Variants in SLC8A1 observed in about 807,000 individuals in gnomAD.
SLC8A1 encodes solute carrier family 8 member A1, also known as sodium/calcium exchanger 1.
SLC8A1 carries 18 observed loss-of-function variants against 68.3 expected under a neutral mutation model. The ratio of observed to expected loss-of-function variants is 0.26; its 90% CI spans 0.18 to 0.39. The LOEUF (loss-of-function observed/expected upper bound fraction) is 0.39, where lower values mean the gene tolerates loss of function less well. Among genes scored for constraint, SLC8A1 ranks in the 10% least tolerant of loss-of-function variants. The pLI, the probability that SLC8A1 is intolerant of heterozygous loss-of-function variation, is 1.00. For missense variants in SLC8A1, 985 were observed against 1,156.7 expected, an observed-to-expected ratio of 0.85 and a Z score of 2.15; for synonymous variants, 475 against 415.5, an observed-to-expected ratio of 1.14 and a Z score of -1.74.
At chr2:40,334,562 G>A (rs1226556785) in intron 2 of SLC8A1, among the ~76,000 whole-genome samples, 2 of 152,086 alleles carry the variant, frequency 1.3e-5, no homozygotes, top group East Asian at 1.9e-4. Context: ...CATTATCTGT[G>A]ATTCTACCCT....
rs145335954 is a variant in SLC8A1, at chr2:40,329,479, C to A, written c.1808+98994G>T. ...GTTTGTTAAATGGCTATTGGAAGAT[C>A]TCTTGCTAAACCTGAAAGTATTTAA... On this transcript the variant is annotated intron_variant, in intron 2 of 7. Transcript: ENST00000406785. Among the ~76,000 whole-genome samples, 365 of 152,306 alleles carry A rather than the reference C, an allele frequency of 2.4e-3. 2 individuals carry two copies. Among genetic ancestry groups the A allele is most frequent in the African/African-American group, 8.3e-3 (347 of 41,570 alleles).
upstream of SLC8A1, among the ~76,000 whole-genome samples, chr2:40,454,786 C>T (rs761698773): frequency 6.6e-6 from 1 of 152,142 alleles, no homozygotes; most frequent in Non-Finnish European, 1.5e-5. Context: ...TTTGCTCCCT[C>T]CTAAATGTCA....
At chr2:40,262,774 T>C (rs1375981507) in intron 2 of SLC8A1, among the ~76,000 whole-genome samples, 1 of 152,116 alleles carries the variant, frequency 6.6e-6, no homozygotes, top group Admixed American at 6.5e-5. Context: ...AAATAGCAAT[T>C]CTAGGCCAGC....
chr2:40,261,306 G>A (rs2064667785), intron 2 of SLC8A1, among the ~76,000 whole-genome samples: 1 of 152,162 alleles, frequency 6.6e-6, no homozygotes, highest in Non-Finnish European at 1.5e-5. Flanking sequence ...GCTTGCAGAG[G>A]CAATCATTTT....
chr2:40,357,845 C>A (rs1257563042), intron 2 of SLC8A1, among the ~76,000 whole-genome samples: 1 of 152,058 alleles, frequency 6.6e-6, no homozygotes, highest in Non-Finnish European at 1.5e-5. Context: ...GATGGCTTCT[C>A]TCTCCCCCTT....
chr2:40,304,641 C>G (rs2072220143), intron 2 of SLC8A1, among the ~76,000 whole-genome samples: 1 of 152,142 alleles, frequency 6.6e-6, no homozygotes, highest in African/African-American at 2.4e-5. Flanking sequence ...CATGAACTGC[C>G]TAGAGTCTCG....
intron 7 of SLC8A1, among the ~76,000 whole-genome samples, chr2:40,118,915 C>G (rs1345213642): frequency 6.6e-6 from 1 of 152,042 alleles, no homozygotes; most frequent in African/African-American, 2.4e-5. Context: ...ACTGGACTTC[C>G]TGGGTATCCC....
chr2:40,402,726 C>A (rs1262433744), intron 2 of SLC8A1, among the ~76,000 whole-genome samples: 1 of 152,208 alleles, frequency 6.6e-6, no homozygotes, highest in Non-Finnish European at 1.5e-5. Flanking sequence ...CCACGTCTTT[C>A]TGCAGAGTTT....
At chr2:40,237,469 C>T (rs138523868) in intron 2 of SLC8A1, among the ~76,000 whole-genome samples, 1,900 of 152,230 alleles carry the variant, frequency 0.012, 18 homozygotes, top group Middle Eastern at 0.054. Flanking sequence ...CTACTTTAAG[C>T]ATTTCTCTGT....
intron 2 of SLC8A1, among the ~76,000 whole-genome samples, chr2:40,279,633 G>A (rs576084918): frequency 6.6e-6 from 1 of 152,288 alleles, no homozygotes; most frequent in Admixed American, 6.5e-5. Context: ...GTTTGATAGG[G>A]TCTGGCATAT....
At chr2:40,177,032 C>T (rs888672665) in intron 3 of SLC8A1, among the ~76,000 whole-genome samples, 2 of 107,540 alleles carry the variant, frequency 1.9e-5, no homozygotes, top group Admixed American at 1.0e-4. Flanking sequence ...TTATAAAGGA[C>T]ACTACTTTTA....
chr2:40,284,294 ATATT>A (rs1288111327), intron 2 of SLC8A1, among the ~76,000 whole-genome samples: 4 of 149,156 alleles, frequency 2.7e-5, no homozygotes, highest in African/African-American at 7.3e-5. Flanking sequence ...ATCTCGCTAT[ATATT>A]TAGAGAAATG....
At chr2:40,396,140 C>A (rs1414620393) in intron 2 of SLC8A1, among the ~76,000 whole-genome samples, 1 of 152,092 alleles carries the variant, frequency 6.6e-6, no homozygotes, top group Non-Finnish European at 1.5e-5. Context: ...GTAACAAAAA[C>A]ATTTAATAAA....
intron 2 of SLC8A1, among the ~76,000 whole-genome samples, chr2:40,247,307 G>A (rs1469752249): frequency 1.3e-5 from 2 of 152,216 alleles, no homozygotes; most frequent in Non-Finnish European, 2.9e-5. Context: ...GTCCTGAACA[G>A]CCAGGCTCTA....
At chr2:40,236,673 T>C (rs1446197549) in intron 2 of SLC8A1, among the ~76,000 whole-genome samples, 8 of 152,142 alleles carry the variant, frequency 5.3e-5, no homozygotes, top group African/African-American at 1.9e-4. Context: ...TGCTCGTTAG[T>C]TGATGCAGTT....
intron 2 of SLC8A1, among the ~76,000 whole-genome samples, chr2:40,402,344 C>T (rs1388634754): frequency 1.3e-5 from 2 of 152,136 alleles, no homozygotes; most frequent in Non-Finnish European, 2.9e-5. Context: ...ACCCCTTTGC[C>T]AAAAACTCAG....
At chr2:40,192,524 C>G (rs530548256) in intron 2 of SLC8A1, among the ~76,000 whole-genome samples, 2 of 152,182 alleles carry the variant, frequency 1.3e-5, no homozygotes, top group African/African-American at 4.8e-5. Flanking sequence ...TTAAGTTTAA[C>G]TTACATAGAA....
chr2:40,448,810 A>C (rs1392810980), intron 1 of SLC8A1, among the ~76,000 whole-genome samples: 1 of 152,206 alleles, frequency 6.6e-6, no homozygotes, highest in Non-Finnish European at 1.5e-5. Context: ...TATTTTAGCA[A>C]AACACATTTA....
rs1244287857 is a variant in SLC8A1 at position 40,196,082 on chromosome 2, G to A, written c.1809-18227C>T. Among the ~76,000 whole-genome samples the A allele has an allele frequency of 2.3e-4, 34 of 146,744 alleles. 1 individual carries two copies. The Admixed American group carries it at 2.3e-3, about 10-fold the overall frequency. Reference sequence around the variant, plus strand: ...AAGTGCTAATATTTAAAAATCAGGAGACTAACAACTTTATGGGGGTGGGGG... The same window carrying A: ...AAGTGCTAATATTTAAAAATCAGGAAACTAACAACTTTATGGGGGTGGGGG... On this transcript the variant is annotated intron_variant, in intron 2 of 7. Transcript: ENST00000406785.
Sources: allele counts gnomAD v4.1 joint callset (sites outside exome capture counted in the v4.1 genomes callset), GRCh38; gene constraint gnomAD v4.1.1; transcripts MANE v1.5; gene names NCBI Gene and HGNC (gene_info 2026-07-23, HGNC 2026-07-21).